DNAH5: variants seen among roughly 807,000 people sequenced by gnomAD.
The protein encoded by DNAH5 is axonemal beta dynein heavy chain 5.
DNAH5 carries 372 observed loss-of-function variants against 518.2 expected under a neutral mutation model. The ratio of observed to expected loss-of-function variants is 0.72; its 90% CI spans 0.66 to 0.78. The LOEUF (loss-of-function observed/expected upper bound fraction) is 0.78, where lower values mean the gene tolerates loss of function less well. DNAH5 is among the 30% of genes least tolerant of loss of function. The pLI is 0.00. For synonymous variants in DNAH5, 2,039 were observed against 2,025.9 expected, an observed-to-expected ratio of 1.01 and a Z score of -0.17; for missense variants, 5,523 against 5,687.0, an observed-to-expected ratio of 0.97 and a Z score of 0.93.
At chr5:13,875,676 A>G (rs1044640685) in intron 22 of DNAH5, among the ~76,000 whole-genome samples, 9 of 152,138 alleles carry the variant, frequency 5.9e-5, no homozygotes, top group Admixed American at 3.3e-4. Context: ...ATCATGAAAT[A>G]CTTTGCTTAT....
intron 52 of DNAH5, among the ~76,000 whole-genome samples, chr5:13,785,678 T>C (rs556245207): frequency 6.6e-6 from 1 of 152,306 alleles, no homozygotes; most frequent in East Asian, 1.9e-4. Context: ...CCCAATCGTC[T>C]CTCCACCCAA....
At chr5:13,721,842 C>A (rs1745096680) in intron 70 of DNAH5, among the ~76,000 whole-genome samples, 1 of 152,114 alleles carries the variant, frequency 6.6e-6, no homozygotes, top group Non-Finnish European at 1.5e-5. Context: ...CAGATTTTGT[C>A]AACTTTATTA....
At chr5:13,924,811 C>T (rs752853153) in intron 3 of DNAH5, among the ~76,000 whole-genome samples, 2 of 152,114 alleles carry the variant, frequency 1.3e-5, no homozygotes, top group Non-Finnish European at 2.9e-5. Context: ...AGTACTTGAA[C>T]AGTCATCTTT....
rs566121319 is a variant in DNAH5 at position 13,697,165 on chromosome 5, T to C, written c.13723+3475A>G. ...ACAATATGTTGACTAGATGCAATGA[T>C]ATGACAAAGCAATTTTTCTAAAATA... On this transcript the variant is annotated intron_variant, in intron 78 of 78. Transcript: ENST00000265104. Among the ~76,000 whole-genome samples, 38 of 152,344 alleles carry C rather than the reference T, an allele frequency of 2.5e-4. No individual in the cohort carries two copies. In the East Asian group the frequency reaches 7.3e-3, roughly 29 times the overall value.
intron 40 of DNAH5, 70 bp downstream of exon 40, chr5:13,823,193 G>T: frequency 1.9e-6 from 2 of 1,038,042 alleles, no homozygotes; most frequent in Non-Finnish European, 3.1e-6. Context: ...AGCCACAGCA[G>T]CCCCACTTTA....
At chr5:13,923,989 T>C (rs1160555412) in intron 3 of DNAH5, among the ~76,000 whole-genome samples, 2 of 151,846 alleles carry the variant, frequency 1.3e-5, no homozygotes, top group Non-Finnish European at 2.9e-5. Context: ...GAGGTTGCAG[T>C]GGGCAGAGAT....
Position 13,859,569 on chromosome 5 carries a change from C to A in DNAH5, c.4833G>T (p.Trp1611Cys), listed in dbSNP as rs77772342. Residue 1611 changes from tryptophan (W) to cysteine (C), a missense_variant, in exon 30 of 79, where the codon TGG becomes TGT. Around this residue, in one of 3 missense-constraint regions of DNAH5, gnomAD observed 5,121 missense variants for 5,223.3 expected, o/e 0.98. Transcript: ENST00000265104. ...CTGTTGAGTTGGAAAGGTACTGCAC[C>A]CATTTTTGAATCTGGGCTTTGAATG... ...NMPFKAQIQK[W>C]VQYLSNSTDI... 6.2e-7 allele frequency: 1 copy of A among 1,613,936 alleles called. No individual in the cohort carries two copies. Among genetic ancestry groups the A allele is most frequent in the East Asian group, 2.2e-5 (1 of 44,866 alleles).
chr5:13,866,317 A>G lies in DNAH5; in HGVS notation c.4054-35T>C, dbSNP rs769215245. ...AAGTAAAAAAAGAAAAATAGAAGGA[A>G]GTGTTTGCATATAAATTTCATGAAC... On this transcript the variant is annotated intron_variant, in intron 25 of 78. Transcript: ENST00000265104. The G allele has an allele frequency of 2.5e-6, 4 of 1,570,428 alleles. No individual in the cohort carries two copies. In the Admixed American group the frequency reaches 6.8e-5, roughly 27 times the overall value.
At chr5:13,991,986 T>C (rs1783595088) in intron 1 of DNAH5, among the ~76,000 whole-genome samples, 1 of 152,140 alleles carries the variant, frequency 6.6e-6, no homozygotes, top group Non-Finnish European at 1.5e-5. Flanking sequence ...GAACGGACTT[T>C]TAAACAGTAA....
At chr5:13,963,374 T>G (rs1358520603) in intron 1 of DNAH5, among the ~76,000 whole-genome samples, 3 of 152,060 alleles carry the variant, frequency 2.0e-5, no homozygotes, top group Admixed American at 6.5e-5. Flanking sequence ...AGTCAGGAGT[T>G]CGAGACCAGC....
chr5:13,845,063 T>G, intron 31 of DNAH5, 70 bp from the exon 32 acceptor site: 1 of 1,467,022 alleles, frequency 6.8e-7, no homozygotes, highest in African/African-American at 1.4e-5. Context: ...TAAATTAACC[T>G]GGATGGGAAA....
intron 49 of DNAH5, among the ~76,000 whole-genome samples, chr5:13,792,508 G>A (rs1475450671): frequency 6.6e-6 from 1 of 152,154 alleles, no homozygotes; most frequent in African/African-American, 2.4e-5. Flanking sequence ...AATGATAAAT[G>A]CATGAAGTTA....
rs190749755 is a variant in DNAH5, at chr5:13,840,973, G to A, written c.5642C>T (p.Thr1881Met). ...IDVTTRDLSS[T>M]ERVKYETLIT... Reference sequence around the variant, plus strand: ...CAGAGTCTCGTATTTCACTCGTTCCGTGGAACTCAGATCCCTCGTGGTGAC... The same window carrying A: ...CAGAGTCTCGTATTTCACTCGTTCCATGGAACTCAGATCCCTCGTGGTGAC... The change falls in exon 34 of 79, where the codon ACG becomes ATG. Residue 1881 changes from threonine to methionine, a missense_variant. By Grantham distance (81) the Thr-to-Met change is moderately conservative (BLOSUM62 -1). Coordinates refer to ENST00000265104, the MANE Select transcript of DNAH5 (RefSeq NM_001369.3). 6.8e-6 allele frequency: 11 copies of A among 1,614,100 alleles called. No homozygotes were observed. Among genetic ancestry groups the A allele is most frequent in the Admixed American group, 5.0e-5 (3 of 60,016 alleles).
At chr5:13,769,691 A>C in intron 56 of DNAH5, 76 bp from the exon 57 acceptor site, 1 of 1,191,846 alleles carries the variant, frequency 8.4e-7, no homozygotes, top group Non-Finnish European at 1.3e-6. Flanking sequence ...TGGTCCAATA[A>C]TGAGTGGTAA....
chr5:14,001,827 C>A (rs181525885), intron 1 of DNAH5, among the ~76,000 whole-genome samples: 4 of 152,074 alleles, frequency 2.6e-5, no homozygotes, highest in African/African-American at 7.2e-5. Context: ...CCACTCAGCC[C>A]ATTAGAGAGC....
chr5:13,830,586 A>G lies in DNAH5; in HGVS notation c.6061+11T>C, dbSNP rs1420543353. On this transcript the variant is annotated intron_variant, in intron 36 of 78. Coordinates refer to ENST00000265104, the MANE Select transcript of DNAH5 (RefSeq NM_001369.3). ...GCAATTTCTCACCAGATTAAAAAATATAACCCATACCCTTAAAAATCCGTC... is the reference window on the plus strand; with the variant it reads ...GCAATTTCTCACCAGATTAAAAAATGTAACCCATACCCTTAAAAATCCGTC... 9.3e-6 allele frequency: 15 copies of G among 1,614,124 alleles called. No individual in the cohort carries two copies. Among genetic ancestry groups the G allele is most frequent in the Non-Finnish European group, 1.2e-5 (14 of 1,179,948 alleles).
chr5:13,947,891 C>T (rs1052798439), upstream of DNAH5, among the ~76,000 whole-genome samples: 5 of 152,210 alleles, frequency 3.3e-5, no homozygotes, highest in Non-Finnish European at 7.3e-5. Context: ...TTTGTCTTCA[C>T]GCTTTACCAT....
chr5:13,824,434 C>A, intron 38 of DNAH5, 101 bp from the exon 39 acceptor site: 1 of 1,183,640 alleles, frequency 8.4e-7, no homozygotes, highest in Non-Finnish European at 1.2e-6. Context: ...TGAATAAATG[C>A]TGATTTTCCT....
chr5:13,913,691 T>C (rs1317141080), intron 11 of DNAH5, 52 bp downstream of exon 11: 4 of 1,596,910 alleles, frequency 2.5e-6, no homozygotes, highest in Non-Finnish European at 3.4e-6. Context: ...GCATAAAATA[T>C]TGAAGTTTAG....
Sources: gnomAD v4.1 joint callset for allele counts (sites outside exome capture counted in the v4.1 genomes callset) on GRCh38, gnomAD v4.1.1 for gene constraint, gnomAD v4.1.1 regional missense constraint, MANE v1.5 for transcripts, NCBI Gene and HGNC (gene_info 2026-07-23, HGNC 2026-07-21) for gene names.